The following CYP19A1 variants were observed in gnomAD, a reference collection of about 807,000 sequenced individuals.
CYP19A1 encodes the protein cytochrome P450 family 19 subfamily A member 1, also known as aromatase.
CYP19A1 carries 32 observed loss-of-function variants against 44.4 expected under a neutral mutation model. That is an observed-to-expected ratio of 0.72 (90% CI 0.54 to 0.97). The LOEUF (loss-of-function observed/expected upper bound fraction) is 0.97, where lower values mean the gene tolerates loss of function less well. CYP19A1 is among the 50% of genes least tolerant of loss of function. CYP19A1 has a pLI of 0.00. For synonymous variants in CYP19A1, 212 were observed against 215.6 expected, an observed-to-expected ratio of 0.98 and a Z score of 0.14; for missense variants, 598 against 637.8, an observed-to-expected ratio of 0.94 and a Z score of 0.67.
At chr15:51,320,579 A>C (rs1407535700) in intron 1 of CYP19A1, among the ~76,000 whole-genome samples, 1 of 152,162 alleles carries the variant, frequency 6.6e-6, no homozygotes, top group Non-Finnish European at 1.5e-5. Flanking sequence ...TGGCCCCAAG[A>C]GGCCCAAAAG....
chr15:51,245,495 G>A (rs1420165153), intron 1 of CYP19A1, among the ~76,000 whole-genome samples: 1 of 152,070 alleles, frequency 6.6e-6, no homozygotes, highest in East Asian at 1.9e-4. Flanking sequence ...CAAAAGCAAT[G>A]GCAACAAAAG....
At chr15:51,337,584 C>T (rs193017714) in intron 1 of CYP19A1, among the ~76,000 whole-genome samples, 1 of 152,292 alleles carries the variant, frequency 6.6e-6, no homozygotes, top group Non-Finnish European at 1.5e-5. Context: ...TTGTAGAGCT[C>T]ACAGTGCTTG....
chr15:51,223,915 C>T (rs1426884877), intron 4 of CYP19A1, among the ~76,000 whole-genome samples: 1 of 152,162 alleles, frequency 6.6e-6, no homozygotes, highest in Non-Finnish European at 1.5e-5. Context: ...CAGGCCGATG[C>T]ATGATTTGCC....
Position 51,239,795 on chromosome 15 carries a change from C to A in CYP19A1, c.146-2786G>T, listed in dbSNP as rs544878148. 1.8e-4 allele frequency among the ~76,000 whole-genome samples: 28 copies of A among 152,296 alleles called. 1 individual carries two copies. The South Asian group carries it at 5.8e-3, about 32-fold the overall frequency. ...TTGTGATGGCAAATTTGTCACCGCACTGTCCAGTTTTCTGTGAAATATTAT... is the reference window on the plus strand; with the variant it reads ...TTGTGATGGCAAATTTGTCACCGCAATGTCCAGTTTTCTGTGAAATATTAT... On this transcript the variant is annotated intron_variant, in intron 2 of 9. Coordinates refer to ENST00000396402, the MANE Select transcript of CYP19A1 (RefSeq NM_000103.4).
chr15:51,337,283 A>C lies in CYP19A1; in HGVS notation c.-39+1212T>G, dbSNP rs569695032. Among the ~76,000 whole-genome samples, 22 of 152,366 alleles carry C rather than the reference A, an allele frequency of 1.4e-4. No individual in the cohort carries two copies. The South Asian group carries it at 3.9e-3, about 27-fold the overall frequency. On this transcript the variant is annotated intron_variant, in intron 1 of 9. Coordinates refer to ENST00000396402, the MANE Select transcript of CYP19A1 (RefSeq NM_000103.4). ...AAGAACTAAGATGTCGATTAACAGC[A>C]CAAGGCACAGAAGAACTAAAGTGTC...
chr15:51,337,177 C>A (rs1308061752), intron 1 of CYP19A1, among the ~76,000 whole-genome samples: 4 of 152,224 alleles, frequency 2.6e-5, no homozygotes, highest in Non-Finnish European at 5.9e-5. Flanking sequence ...CTACTTGGCA[C>A]AAGTCCCTGC....
rs145829575 is a variant in CYP19A1 at position 51,245,754 on chromosome 15, C to G, written c.-38-2804G>C. On this transcript the variant is annotated intron_variant, in intron 1 of 9. Transcript: ENST00000396402. ...TATGTGTCAGATATTGGTCTAAGCA[C>G]TTTAGAAATATTAAGCCATTCATCT... 9.8e-4 allele frequency among the ~76,000 whole-genome samples: 149 copies of G among 152,324 alleles called. 1 individual carries two copies. The highest frequency in any genetic ancestry group is 2.9e-3 in the Admixed American group (44 of 15,306).
chr15:51,294,114 G>A (rs1463929062), intron 1 of CYP19A1, among the ~76,000 whole-genome samples: 1 of 137,478 alleles, frequency 7.3e-6, no homozygotes, highest in Non-Finnish European at 1.5e-5. Context: ...GAAGTGAGGA[G>A]CGTCTCTGCC....
At chr15:51,255,687 A>G (rs940886602) in intron 1 of CYP19A1, 3 of 152,208 alleles carry the variant, frequency 2.0e-5, no homozygotes, top group Non-Finnish European at 4.4e-5. Flanking sequence ...CAAGTTCCAC[A>G]TGAAAGCTGT....
chr15:51,297,300 C>G lies in CYP19A1; in HGVS notation c.-39+41195G>C, dbSNP rs369515516. Among the ~76,000 whole-genome samples the G allele has an allele frequency of 1.2e-4, 18 of 152,322 alleles. No homozygotes were observed. The South Asian group carries it at 3.7e-3, about 32-fold the overall frequency. Reference sequence around the variant, plus strand: ...AGCCCTCTCCCTCATCTCCACATGCCCCCATGCTTAGGTTTACACCAGCCT... The same window carrying G: ...AGCCCTCTCCCTCATCTCCACATGCGCCCATGCTTAGGTTTACACCAGCCT... On this transcript the variant is annotated intron_variant, in intron 1 of 9. Coordinates refer to ENST00000396402, the MANE Select transcript of CYP19A1 (RefSeq NM_000103.4).
Position 51,208,795 on chromosome 15 carries a change from T to C in CYP19A1, c.*2013A>G, listed in dbSNP as rs2030642976. 7.4e-6 allele frequency: 1 copy of C among 135,398 alleles called. No individual in the cohort carries two copies. Among genetic ancestry groups the C allele is most frequent in the South Asian group, 2.5e-4 (1 of 3,928 alleles). 8.4% of individuals were successfully genotyped at this position (135,398 alleles called of 1,614,324 possible). A position where few individuals can be genotyped will look rare whatever the true frequency, so the allele number is the denominator to read the frequency against. ...CACTCCCAGTTTTCCCCCAGGATAT[T>C]TTTGTACCTGCAAAATAGATATCTA... On this transcript the variant is annotated 3_prime_UTR_variant, in exon 10 of 10. Coordinates refer to ENST00000396402, the MANE Select transcript of CYP19A1 (RefSeq NM_000103.4).
chr15:51,280,130 T>TC (rs2035465005), intron 1 of CYP19A1: 1 of 149,708 alleles, frequency 6.7e-6, no homozygotes, highest in African/African-American at 2.5e-5. Flanking sequence ...TTTTTTTTTT[T>TC]TTTTTTTTTG....
chr15:51,280,204 C>G (rs1390869943), intron 1 of CYP19A1, among the ~76,000 whole-genome samples: 1 of 150,704 alleles, frequency 6.6e-6, no homozygotes, highest in Non-Finnish European at 1.5e-5. Context: ...TCACTGCAAC[C>G]TCTGCCTCCG....
chr15:51,233,107 T>C (rs1458735192), intron 3 of CYP19A1, among the ~76,000 whole-genome samples: 4 of 152,364 alleles, frequency 2.6e-5, no homozygotes, highest in African/African-American at 9.6e-5. Flanking sequence ...TAGGTCTTTA[T>C]TTAAATGCTG....
Position 51,210,168 on chromosome 15 carries a change from A to G in CYP19A1, c.*640T>C. 2.8e-6 allele frequency: 1 copy of G among 358,596 alleles called. No homozygotes were observed. Among genetic ancestry groups the G allele is most frequent in the African/African-American group, 2.1e-5 (1 of 46,888 alleles). The allele number at this position is 358,596 out of a possible 1,614,324, so 22.2% of individuals were successfully genotyped here. On this transcript the variant is annotated 3_prime_UTR_variant, in exon 10 of 10. Coordinates refer to ENST00000396402, the MANE Select transcript of CYP19A1 (RefSeq NM_000103.4). ...GCACAGGCAAGTGGCTGAGGCATAA[A>G]TCGACAGACTGGGAAAGAATTTCCT...
At chr15:51,253,172 T>C (rs2034389307) in intron 1 of CYP19A1, among the ~76,000 whole-genome samples, 1 of 152,220 alleles carries the variant, frequency 6.6e-6, no homozygotes, top group African/African-American at 2.4e-5. Flanking sequence ...GAAATAGTGG[T>C]ATTTCTTGAT....
At chr15:51,255,602 A>G (rs532410563) in intron 1 of CYP19A1, 6 of 152,316 alleles carry the variant, frequency 3.9e-5, no homozygotes, top group Admixed American at 3.3e-4. Flanking sequence ...GAAGCCCTTA[A>G]CTGCTGGAAT....
intron 8 of CYP19A1, 145 bp from the exon 9 acceptor site, chr15:51,212,706 G>C: frequency 1.5e-6 from 1 of 651,752 alleles, no homozygotes; most frequent in South Asian, 1.8e-5. Context: ...CCAGCAACCA[G>C]GGCCAAATAT....
intron 1 of CYP19A1, among the ~76,000 whole-genome samples, chr15:51,310,484 CT>C (rs1434190526): frequency 6.6e-6 from 1 of 152,136 alleles, no homozygotes; most frequent in Non-Finnish European, 1.5e-5. Context: ...TGGGGAAAAT[CT>C]TTGTCTTTTT....
Sources: allele counts gnomAD v4.1 joint callset (sites outside exome capture counted in the v4.1 genomes callset), GRCh38; gene constraint gnomAD v4.1.1; transcripts MANE v1.5; gene names NCBI Gene and HGNC (gene_info 2026-07-23, HGNC 2026-07-21).